The following MYBL2 variants were observed in gnomAD, a reference collection of about 807,000 sequenced individuals.
The protein encoded by MYBL2 is myb-related protein B.
In MYBL2, 28 loss-of-function variants were observed where a neutral mutation model predicts 79.9. The ratio of observed to expected loss-of-function variants is 0.35; its 90% CI spans 0.26 to 0.48. MYBL2 has a LOEUF of 0.48. MYBL2 is among the 20% of genes least tolerant of loss of function. The pLI, the probability that MYBL2 is intolerant of heterozygous loss-of-function variation, is 0.99. For missense variants in MYBL2, 735 were observed against 893.9 expected (o/e 0.82, Z 2.27); for synonymous variants, 378 against 361.2 (o/e 1.05, Z -0.53).
In MYBL2 at chr20:43,699,981, A is replaced by G; in HGVS notation, c.888A>G (p.Ala296=). 1 of 1,614,130 alleles carries G rather than the reference A, an allele frequency of 6.2e-7. No individual in the cohort carries two copies. The highest frequency in any genetic ancestry group is 8.5e-7 in the Non-Finnish European group (1 of 1,180,032). The part of the protein sequence containing the change: ...TSLPYKWVVE[A]ANLLIPAVGS... The stretch of plus-strand genomic sequence containing the variant: ...TGCCTTACAAGTGGGTGGTGGAGGC[A>G]GCTAACCTCCTCATCCCTGCTGTGG... Residue 296 remains alanine (A), a synonymous_variant, in exon 7 of 14, where the codon GCA becomes GCG. Coordinates refer to ENST00000217026, the MANE Select transcript of MYBL2 (RefSeq NM_002466.4).
chr20:43,698,220 TTTG>T (rs1987596151), intron 6 of MYBL2, among the ~76,000 whole-genome samples: 1 of 151,884 alleles, frequency 6.6e-6, no homozygotes, highest in South Asian at 2.1e-4. Flanking sequence ...AAATTCACTT[TTTG>T]TTTGTTCGTT....
intron 3 of MYBL2, among the ~76,000 whole-genome samples, chr20:43,682,334 G>A (rs1328223425): frequency 2.6e-5 from 4 of 152,248 alleles, no homozygotes; most frequent in Middle Eastern, 3.4e-3. Context: ...TGACCCACAG[G>A]TGTCTGGGAG....
rs759697756 is a variant in MYBL2, at chr20:43,715,332, G to A, written c.1974+49G>A. ...GGGTCCTGCAGTGCCCGCCTTCTTA[G>A]CTCAGGGCTGAGTGCTGGCCATCCC... On this transcript the variant is annotated intron_variant, in intron 13 of 13. Transcript: ENST00000217026. 13 of 1,611,324 alleles carry A rather than the reference G, an allele frequency of 8.1e-6. No homozygotes were observed. In the South Asian group the frequency reaches 1.2e-4, roughly 15 times the overall value.
At chr20:43,681,997 G>C in intron 3 of MYBL2, 142 bp downstream of exon 3, 1 of 797,646 alleles carries the variant, frequency 1.3e-6, no homozygotes, top group Non-Finnish European at 2.0e-6. Flanking sequence ...CAGGGCAAAT[G>C]GACCTTTGTA....
chr20:43,683,005 G>A (rs1025656327), intron 4 of MYBL2, 119 bp downstream of exon 4: 1 of 915,470 alleles, frequency 1.1e-6, no homozygotes, highest in Non-Finnish European at 1.8e-6. Flanking sequence ...GGTGTGAGTT[G>A]TCTACCAGCC....
At chr20:43,697,939 G>C (rs1023610237) in intron 6 of MYBL2, among the ~76,000 whole-genome samples, 1 of 147,918 alleles carries the variant, frequency 6.8e-6, no homozygotes, top group African/African-American at 2.5e-5. Context: ...AAAATTGCGT[G>C]TATTTATGGT....
rs551416591 is a variant in MYBL2 at position 43,679,801 on chromosome 20, C to T, written c.115-1983C>T. On this transcript the variant is annotated intron_variant, in intron 2 of 13. Transcript: ENST00000217026. ...TGGTGTGTGTCTGTGGTCCCACCTA[C>T]TTGGGAGGCTGAGGTGGAAGGATCA... is the stretch of plus-strand genomic sequence containing the variant. Among the ~76,000 whole-genome samples the T allele has an allele frequency of 2.0e-5, 3 of 151,742 alleles. No individual in the cohort carries two copies. In the South Asian group the frequency reaches 6.3e-4, roughly 32 times the overall value.
At chr20:43,712,510 G>C (rs945094486) in intron 11 of MYBL2, among the ~76,000 whole-genome samples, 2 of 152,278 alleles carry the variant, frequency 1.3e-5, no homozygotes, top group Admixed American at 1.3e-4. Context: ...GCCGCTCCCT[G>C]GTATCGGAGC....
intron 8 of MYBL2, 109 bp downstream of exon 8, chr20:43,703,012 A>T (rs549022684): frequency 1.6e-6 from 2 of 1,242,862 alleles, no homozygotes; most frequent in East Asian, 2.4e-5. Context: ...CATGCAGCTT[A>T]TGCTCTGGTA....
At chr20:43,682,171 A>T (rs419842) in intron 3 of MYBL2, among the ~76,000 whole-genome samples, 117,579 of 152,172 alleles carry the variant, frequency 0.77, 46,075 homozygotes, top group Non-Finnish European at 0.84. Flanking sequence ...GTTTCTCAAC[A>T]GTGAGACTGA....
intron 2 of MYBL2, among the ~76,000 whole-genome samples, chr20:43,675,911 G>T (rs1468656162): frequency 6.9e-6 from 1 of 144,772 alleles, no homozygotes. Context: ...CCAATAGGTA[G>T]TTTTTTTTTT....
chr20:43,702,627 C>T lies in MYBL2; in HGVS notation c.1089C>T (p.Ala363=). The change falls in exon 8 of 14, where the codon GCC becomes GCT. Residue 363 remains alanine (A), a synonymous_variant. Transcript: ENST00000217026. ...TCCTGCCACCCCGCCAGCCTTCCGC[C>T]CTGGTGCCCAGTGTGACCGAGTACC... The part of the protein sequence containing the change: ...QQVLPPRQPS[A]LVPSVTEYRL... 2 of 1,614,136 alleles carry T rather than the reference C, an allele frequency of 1.2e-6. No homozygotes were observed. Among genetic ancestry groups the T allele is most frequent in the Non-Finnish European group, 8.5e-7 (1 of 1,180,040 alleles).
At chr20:43,709,242 A>G (rs1056838621) in intron 9 of MYBL2, among the ~76,000 whole-genome samples, 1 of 152,140 alleles carries the variant, frequency 6.6e-6, no homozygotes, top group Non-Finnish European at 1.5e-5. Flanking sequence ...ATACCAGCAC[A>G]CAAGGGTTCG....
chr20:43,667,230 C>A lies in MYBL2; in HGVS notation c.-54C>A. 1.7e-6 allele frequency: 2 copies of A among 1,190,316 alleles called. No homozygotes were observed. The highest frequency in any genetic ancestry group is 4.2e-5 in the South Asian group (1 of 23,850). 73.7% of individuals were successfully genotyped at this position (1,190,316 alleles called of 1,614,324 possible). A position where few individuals can be genotyped will look rare whatever the true frequency, so the allele number is the denominator to read the frequency against. Reference sequence around the variant, plus strand: ...CGGGTCCTGACCCCGGCCCGGCTCCCGCTCCGGGCTCTGCCGGCGGGCGGG... The same window carrying A: ...CGGGTCCTGACCCCGGCCCGGCTCCAGCTCCGGGCTCTGCCGGCGGGCGGG... On this transcript the variant is annotated 5_prime_UTR_variant, in exon 1 of 14. Coordinates refer to ENST00000217026, the MANE Select transcript of MYBL2 (RefSeq NM_002466.4).
chr20:43,706,308 G>C (rs1236628903), intron 9 of MYBL2, among the ~76,000 whole-genome samples: 5 of 152,104 alleles, frequency 3.3e-5, no homozygotes. Context: ...CTGAGCTTAC[G>C]GAGCATGACA....
In MYBL2 at chr20:43,692,307, C is replaced by G. The variant is rs200332120; in HGVS notation, c.651C>G (p.Pro217=). 6.2e-6 allele frequency: 10 copies of G among 1,614,078 alleles called. No homozygotes were observed. The East Asian group carries it at 2.2e-4, about 36-fold the overall frequency. ...AGGACGGCCTCCAGAGTGCCCAGCC[C>G]ACGGAAGGCCAGGTGAGACAGCTGC... is the stretch of plus-strand genomic sequence containing the variant. ...EDKDGLQSAQ[P]TEGQGSLLTN... is the part of the protein sequence containing the mutation. The change falls in exon 6 of 14, where the codon CCC becomes CCG. Residue 217 remains proline (P), a synonymous_variant. Transcript: ENST00000217026.
At chr20:43,694,223 C>G (rs1320577121) in intron 6 of MYBL2, among the ~76,000 whole-genome samples, 1 of 150,960 alleles carries the variant, frequency 6.6e-6, no homozygotes, top group African/African-American at 2.4e-5. Flanking sequence ...TCCCAGCTAC[C>G]CAGGAGGCTG....
At chr20:43,703,007 A>T in intron 8 of MYBL2, 104 bp downstream of exon 8, 1 of 1,285,474 alleles carries the variant, frequency 7.8e-7, no homozygotes, top group Non-Finnish European at 1.1e-6. Flanking sequence ...GCCCTCATGC[A>T]GCTTATGCTC....
In MYBL2 at chr20:43,681,763, C is replaced by G. The variant is rs768724940; in HGVS notation, c.115-21C>G. On this transcript the variant is annotated intron_variant, in intron 2 of 13. Coordinates refer to ENST00000217026, the MANE Select transcript of MYBL2 (RefSeq NM_002466.4). Reference sequence around the variant, plus strand: ...TTCTGCACGTATGTGTGCTGAGCCCCTGTCTTTCTGGTGTTGGCAGGACGA... The same window carrying G: ...TTCTGCACGTATGTGTGCTGAGCCCGTGTCTTTCTGGTGTTGGCAGGACGA... 12 of 1,613,902 alleles carry G rather than the reference C, an allele frequency of 7.4e-6. No individual in the cohort carries two copies. The East Asian group carries it at 2.7e-4, about 36-fold the overall frequency.
Sources: gnomAD v4.1 joint callset for allele counts (sites outside exome capture counted in the v4.1 genomes callset) on GRCh38, gnomAD v4.1.1 for gene constraint, MANE v1.5 for transcripts, NCBI Gene and HGNC (gene_info 2026-07-23, HGNC 2026-07-21) for gene names.